The following ANKS1A variants were observed in gnomAD, a reference collection of about 807,000 sequenced individuals.
ANKS1A encodes ankyrin repeat and SAM domain-containing protein 1A.
ANKS1A carries 55 observed loss-of-function variants against 120.3 expected under a neutral mutation model. The observed-to-expected ratio is 0.46, with a 90% CI of 0.37 to 0.57. The LOEUF is 0.57. Among genes scored for constraint, ANKS1A ranks in the 20% least tolerant of loss-of-function variants. The probability of loss-of-function intolerance (pLI) is 0.00; values close to 1 mark genes in which losing one functional copy is unlikely to be tolerated. For synonymous variants in ANKS1A, 590 were observed against 604.7 expected, an observed-to-expected ratio of 0.98 and a Z score of 0.36; for missense variants, 1,123 against 1,480.3, an observed-to-expected ratio of 0.76 and a Z score of 3.96.
At chr6:35,026,017 G>A (rs1774609161) in intron 11 of ANKS1A, among the ~76,000 whole-genome samples, 1 of 152,052 alleles carries the variant, frequency 6.6e-6, no homozygotes, top group Admixed American at 6.5e-5. Flanking sequence ...TCCCTTTTTT[G>A]TTATGTTACA....
At chr6:34,890,509 AGT>A (rs1192277462) in intron 1 of ANKS1A, among the ~76,000 whole-genome samples, 1 of 152,206 alleles carries the variant, frequency 6.6e-6, no homozygotes, top group Non-Finnish European at 1.5e-5. Flanking sequence ...TCATTGGATT[AGT>A]CTAAGTGGCA....
intron 14 of ANKS1A, among the ~76,000 whole-genome samples, 179 bp from the exon 15 acceptor site, chr6:35,079,337 G>A (rs1777536182): frequency 6.6e-6 from 1 of 152,142 alleles, no homozygotes; most frequent in African/African-American, 2.4e-5. Flanking sequence ...CCATGGGGAA[G>A]CCGAGACCAG....
intron 1 of ANKS1A, among the ~76,000 whole-genome samples, chr6:34,934,273 G>A (rs1934406872): frequency 6.6e-6 from 1 of 152,134 alleles, no homozygotes; most frequent in South Asian, 2.1e-4. Flanking sequence ...TCAGCCTCCG[G>A]AGCAGCTGGG....
chr6:34,997,472 A>G (rs1456231122), intron 10 of ANKS1A, among the ~76,000 whole-genome samples: 1 of 152,190 alleles, frequency 6.6e-6, no homozygotes, highest in Non-Finnish European at 1.5e-5. Context: ...CTGGGATTAC[A>G]GGTGTGAGGC....
At chr6:34,972,988 TCTTA>T (rs1490623834) in intron 3 of ANKS1A, among the ~76,000 whole-genome samples, 1 of 152,230 alleles carries the variant, frequency 6.6e-6, no homozygotes, top group Non-Finnish European at 1.5e-5. Flanking sequence ...TGTCAAATTA[TCTTA>T]CTTTTTAAAT....
At chr6:34,992,283 A>G (rs545233227) in intron 9 of ANKS1A, among the ~76,000 whole-genome samples, 1 of 152,336 alleles carries the variant, frequency 6.6e-6, no homozygotes, top group African/African-American at 2.4e-5. Context: ...TGTGATGGTT[A>G]GGATCCCTTC....
chr6:34,998,241 T>A (rs1274596844), intron 10 of ANKS1A, among the ~76,000 whole-genome samples: 1 of 152,202 alleles, frequency 6.6e-6, no homozygotes, highest in African/African-American at 2.4e-5. Context: ...TTTAATGTCA[T>A]TGTCTTATGC....
Position 34,994,383 on chromosome 6 carries a change from G to C in ANKS1A, c.1384G>C (p.Glu462Gln). The change falls in exon 10 of 24, where the codon GAG becomes CAG. Residue 462 changes from glutamate to glutamine, a missense_variant. Glu to Gln is a conservative substitution (Grantham distance 29, BLOSUM62 2). Transcript: ENST00000360359. ...CCCTTATGAACTGTTGTTAACAGCA[G>C]AGACAAAGAAAGTGGTGTTGGTGGA... ...EHPYELLLTA[E>Q]TKKVVLVDGK... 1 of 1,613,532 alleles carries C rather than the reference G, an allele frequency of 6.2e-7. No individual in the cohort carries two copies. Among genetic ancestry groups the C allele is most frequent in the South Asian group, 1.1e-5 (1 of 91,066 alleles).
intron 2 of ANKS1A, among the ~76,000 whole-genome samples, 193 bp downstream of exon 2, chr6:34,967,512 T>TC (rs1183578766): frequency 1.5e-5 from 2 of 130,550 alleles, no homozygotes; most frequent in African/African-American, 5.9e-5. Context: ...AAAGCAAGCC[T>TC]CCATCTCCAC....
chr6:35,083,890 T>C (rs930078808), intron 20 of ANKS1A, among the ~76,000 whole-genome samples: 2 of 152,122 alleles, frequency 1.3e-5, no homozygotes, highest in African/African-American at 2.4e-5. Context: ...GGAGAGCTTG[T>C]GGTTGGGTGT....
chr6:34,921,971 C>G (rs930523373), intron 1 of ANKS1A, among the ~76,000 whole-genome samples: 2 of 151,698 alleles, frequency 1.3e-5, no homozygotes, highest in Non-Finnish European at 2.9e-5. Context: ...ACTGGGACTA[C>G]AGGTGTGAGC....
intron 2 of ANKS1A, among the ~76,000 whole-genome samples, chr6:34,967,541 A>AAT (rs1770961052): frequency 1.4e-5 from 2 of 147,214 alleles, no homozygotes; most frequent in Non-Finnish European, 1.5e-5. Context: ...AAAAAAAAAA[A>AAT]TTTTTTTAAT....
In ANKS1A at chr6:34,896,709, A is replaced by G. The variant is rs1026893477; in HGVS notation, c.197+7110A>G. 2.0e-5 allele frequency among the ~76,000 whole-genome samples: 3 copies of G among 152,188 alleles called. No homozygotes were observed. The East Asian group carries it at 5.8e-4, about 29-fold the overall frequency. Reference sequence around the variant, plus strand: ...GCCAGGCGCAGTGGCTCACGCCTGTAATCCCGGCACTTTGGGAGGCTGAGG... The same window carrying G: ...GCCAGGCGCAGTGGCTCACGCCTGTGATCCCGGCACTTTGGGAGGCTGAGG... On this transcript the variant is annotated intron_variant, in intron 1 of 23. Transcript: ENST00000360359.
chr6:34,956,219 T>C (rs1385046740), intron 1 of ANKS1A, among the ~76,000 whole-genome samples: 2 of 151,720 alleles, frequency 1.3e-5, no homozygotes, highest in Non-Finnish European at 2.9e-5. Context: ...AACTTTTCAC[T>C]GATCCTGGTT....
chr6:35,082,888 C>G lies in ANKS1A; in HGVS notation c.2835+72C>G, dbSNP rs1459605547. On this transcript the variant is annotated intron_variant, in intron 18 of 23. Coordinates refer to ENST00000360359, the MANE Select transcript of ANKS1A (RefSeq NM_015245.3). The surrounding 1 kb of genome is among the most constrained non-coding windows in gnomAD (Gnocchi z 4.1). ...CTCGGCCAGGCACCTGCGGCCAAGT[C>G]CCAGCAGGGACTCCACAAAGCCAGG... 6 of 1,563,886 alleles carry G rather than the reference C, an allele frequency of 3.8e-6. No individual in the cohort carries two copies. Among genetic ancestry groups the G allele is most frequent in the Non-Finnish European group, 5.2e-6 (6 of 1,156,758 alleles).
Position 35,085,916 on chromosome 6 carries a change from G to A in ANKS1A, c.3283G>A (p.Val1095Ile). 6.2e-7 allele frequency: 1 copy of A among 1,609,738 alleles called. No individual in the cohort carries two copies. Among genetic ancestry groups the A allele is most frequent in the Non-Finnish European group, 8.5e-7 (1 of 1,178,672 alleles). ...KSSKPVPKPR[V>I]GVRKSALEPP... Reference sequence around the variant, plus strand: ...TTCCAAACCGGTGCCTAAGCCTCGGGTCGGCGTGAGGAAATCCGCAGTACG... The same window carrying A: ...TTCCAAACCGGTGCCTAAGCCTCGGATCGGCGTGAGGAAATCCGCAGTACG... The change falls in exon 22 of 24, where the codon GTC (valine) becomes ATC (isoleucine). Residue 1095 changes from valine to isoleucine, a missense_variant. By Grantham distance (29) the Val-to-Ile change is conservative (BLOSUM62 3). Around this residue, in one of 3 missense-constraint regions of ANKS1A, gnomAD observed 904 missense variants for 1,130.4 expected, o/e 0.80. Transcript: ENST00000360359. This position sits in a 1 kb window ranked among gnomAD's most constrained non-coding sequence, Gnocchi z 4.7.
chr6:35,056,450 G>A (rs964687814), intron 12 of ANKS1A, among the ~76,000 whole-genome samples: 15 of 152,034 alleles, frequency 9.9e-5, no homozygotes, highest in Non-Finnish European at 1.2e-4. Context: ...CACCACGCCC[G>A]GCTAATTTTT....
chr6:35,097,504 G>A, the ANKS1A span, among the ~76,000 whole-genome samples: 2 of 141,366 alleles, frequency 1.4e-5, no homozygotes, highest in South Asian at 2.2e-4. Context: ...GCCAGACTCC[G>A]TCTCAAAAAA....
chr6:35,088,713 C>G lies in ANKS1A; in HGVS notation c.*104C>G. Reference sequence around the variant, plus strand: ...CACCTGCAGCTCTGAAGACCCAGGCCTCACCTCCGCCTGCAGGACCTCCTC... The same window carrying G: ...CACCTGCAGCTCTGAAGACCCAGGCGTCACCTCCGCCTGCAGGACCTCCTC... On this transcript the variant is annotated 3_prime_UTR_variant, in exon 24 of 24. Transcript: ENST00000360359. 1 of 1,611,320 alleles carries G rather than the reference C, an allele frequency of 6.2e-7. No homozygotes were observed. The highest frequency in any genetic ancestry group is 8.5e-7 in the Non-Finnish European group (1 of 1,179,222).
Sources: allele counts gnomAD v4.1 joint callset (sites outside exome capture counted in the v4.1 genomes callset), GRCh38; gene constraint gnomAD v4.1.1; regional missense constraint gnomAD v4.1.1; non-coding constraint Gnocchi (gnomAD v3.1); transcripts MANE v1.5; gene names NCBI Gene and HGNC (gene_info 2026-07-23, HGNC 2026-07-21).